The following ARHGAP15 variants were observed in gnomAD, a reference collection of about 807,000 sequenced individuals.
The protein encoded by ARHGAP15 is rho GTPase-activating protein 15.
A neutral mutation model predicts 63.7 loss-of-function variants in ARHGAP15; 51 were observed. That is an observed-to-expected ratio of 0.80 (90% CI 0.64 to 1.01). The LOEUF is 1.01. Among genes scored for constraint, ARHGAP15 ranks in the 50% least tolerant of loss-of-function variants. The pLI is 0.00. For synonymous variants in ARHGAP15, 191 were observed against 193.8 expected (o/e 0.99, Z 0.12); for missense variants, 560 against 564.6 (o/e 0.99, Z 0.08).
At chr2:143,372,668 A>G (rs1469444823) in intron 6 of ARHGAP15, among the ~76,000 whole-genome samples, 2 of 152,198 alleles carry the variant, frequency 1.3e-5, no homozygotes, top group Non-Finnish European at 2.9e-5. Flanking sequence ...GATGAAAGAT[A>G]TGGATACTTG....
At chr2:143,186,704 T>C (rs1691462494) in intron 2 of ARHGAP15, among the ~76,000 whole-genome samples, 2 of 152,228 alleles carry the variant, frequency 1.3e-5, no homozygotes, top group Admixed American at 6.5e-5. Context: ...AATTTGGGAA[T>C]CATTACTCTA....
intron 11 of ARHGAP15, among the ~76,000 whole-genome samples, chr2:143,602,709 C>G (rs776187747): frequency 6.6e-6 from 1 of 152,082 alleles, no homozygotes; most frequent in Non-Finnish European, 1.5e-5. Context: ...TGCACTCCCT[C>G]ACATGTAAAT....
chr2:143,741,609 T>C (rs769998357), intron 13 of ARHGAP15, among the ~76,000 whole-genome samples: 2 of 152,196 alleles, frequency 1.3e-5, no homozygotes, highest in Non-Finnish European at 2.9e-5. Context: ...TTTTCAGAAA[T>C]TGAAATGGAG....
At chr2:143,205,803 G>A (rs891365050) in intron 3 of ARHGAP15, among the ~76,000 whole-genome samples, 5 of 151,828 alleles carry the variant, frequency 3.3e-5, no homozygotes, top group African/African-American at 1.2e-4. Context: ...TGGCCCTTTG[G>A]ATAAGTCATC....
Position 143,663,512 on chromosome 2 carries a change from G to A in ARHGAP15, c.1138+39245G>A, listed in dbSNP as rs964096480. Among the ~76,000 whole-genome samples, 30 of 146,308 alleles carry A rather than the reference G, an allele frequency of 2.1e-4. No individual in the cohort carries two copies. The South Asian group carries it at 2.6e-3, about 13-fold the overall frequency. ...CTAGGAAGAAACTGCATCAACTAAT[G>A]AGCAAAATCACCAGCTAACATCATA... On this transcript the variant is annotated intron_variant, in intron 12 of 13. Coordinates refer to ENST00000295095, the MANE Select transcript of ARHGAP15 (RefSeq NM_018460.4).
At chr2:143,374,942 A>C (rs1686736160) in intron 6 of ARHGAP15, among the ~76,000 whole-genome samples, 1 of 152,198 alleles carries the variant, frequency 6.6e-6, no homozygotes, top group Non-Finnish European at 1.5e-5. Context: ...TTGATTATAA[A>C]AGGGAAAATA....
At chr2:143,447,740 C>T (rs989041347) in intron 8 of ARHGAP15, among the ~76,000 whole-genome samples, 2 of 152,142 alleles carry the variant, frequency 1.3e-5, no homozygotes, top group African/African-American at 2.4e-5. Flanking sequence ...TTTTAAACCT[C>T]GTTTACTTTT....
intron 13 of ARHGAP15, among the ~76,000 whole-genome samples, chr2:143,705,916 T>C (rs570301439): frequency 2.0e-5 from 3 of 152,374 alleles, no homozygotes; most frequent in Admixed American, 2.0e-4. Context: ...TCCTGTTTTT[T>C]ACATCCCAGT....
intron 11 of ARHGAP15, among the ~76,000 whole-genome samples, chr2:143,599,415 A>T (rs888342972): frequency 1.3e-5 from 2 of 152,120 alleles, no homozygotes; most frequent in African/African-American, 4.8e-5. Context: ...GTTCCTATTA[A>T]TGCACATTTA....
intron 6 of ARHGAP15, among the ~76,000 whole-genome samples, chr2:143,358,412 A>C (rs1295211453): frequency 4.6e-5 from 7 of 152,108 alleles, no homozygotes; most frequent in Admixed American, 3.9e-4. Context: ...ATGCCATCTA[A>C]ATACAAAAAT....
chr2:143,670,804 A>G (rs1682484285), intron 12 of ARHGAP15, among the ~76,000 whole-genome samples: 1 of 152,218 alleles, frequency 6.6e-6, no homozygotes, highest in Non-Finnish European at 1.5e-5. Flanking sequence ...TTCTAAGTAT[A>G]TATTTTAAGG....
intron 1 of ARHGAP15, among the ~76,000 whole-genome samples, chr2:143,140,965 G>A (rs868251630): frequency 1.3e-5 from 2 of 152,122 alleles, no homozygotes; most frequent in Admixed American, 6.5e-5. Flanking sequence ...ATTAGCAAGT[G>A]GGCAGTAGGT....
intron 12 of ARHGAP15, among the ~76,000 whole-genome samples, chr2:143,667,847 G>C (rs1016987332): frequency 6.6e-6 from 1 of 151,894 alleles, no homozygotes; most frequent in Non-Finnish European, 1.5e-5. Context: ...AATTAGCCAG[G>C]CTTGGTGGCA....
chr2:143,543,658 T>A (rs1373448196), intron 10 of ARHGAP15, among the ~76,000 whole-genome samples: 1 of 151,828 alleles, frequency 6.6e-6, no homozygotes, highest in African/African-American at 2.4e-5. Context: ...TATATATATA[T>A]AAATATGTAT....
chr2:143,353,998 T>G (rs1685693576), intron 6 of ARHGAP15, among the ~76,000 whole-genome samples: 1 of 139,810 alleles, frequency 7.2e-6, no homozygotes, highest in African/African-American at 2.7e-5. Flanking sequence ...AGGTATTTTT[T>G]TTTTTTCTTC....
chr2:143,705,125 T>C (rs926061544), intron 13 of ARHGAP15, among the ~76,000 whole-genome samples: 2 of 152,184 alleles, frequency 1.3e-5, no homozygotes, highest in African/African-American at 4.8e-5. Context: ...TTATTTCTAA[T>C]GATGTCAATA....
At chr2:143,706,235 G>T (rs1053854710) in intron 13 of ARHGAP15, among the ~76,000 whole-genome samples, 8 of 152,138 alleles carry the variant, frequency 5.3e-5, no homozygotes, top group Non-Finnish European at 1.0e-4. Context: ...TGTCATCAAA[G>T]CCTGAGAAGA....
intron 6 of ARHGAP15, among the ~76,000 whole-genome samples, chr2:143,397,268 A>G (rs1687802850): frequency 6.6e-6 from 1 of 151,928 alleles, no homozygotes; most frequent in African/African-American, 2.4e-5. Context: ...AATGATAAAT[A>G]AGAATGACAA....
intron 9 of ARHGAP15, among the ~76,000 whole-genome samples, chr2:143,493,894 T>C (rs902077950): frequency 6.6e-6 from 1 of 152,174 alleles, no homozygotes; most frequent in Non-Finnish European, 1.5e-5. Flanking sequence ...AGTAGCTTAG[T>C]TGGGTATAAA....
Sources: allele counts gnomAD v4.1 joint callset (sites outside exome capture counted in the v4.1 genomes callset), GRCh38; gene constraint gnomAD v4.1.1; transcripts MANE v1.5; gene names NCBI Gene and HGNC (gene_info 2026-07-23, HGNC 2026-07-21).